The following EPM2A variants were observed in gnomAD, a reference collection of about 807,000 sequenced individuals.
EPM2A encodes the protein EPM2A glucan phosphatase, laforin.
A neutral mutation model predicts 26.5 loss-of-function variants in EPM2A; 21 were observed. That is an observed-to-expected ratio of 0.79 (90% CI 0.56 to 1.14). EPM2A has a LOEUF of 1.14. EPM2A is among the 50% of genes most tolerant of loss of function. The pLI, the probability that EPM2A is intolerant of heterozygous loss-of-function variation, is 0.00. For missense variants in EPM2A, 458 were observed against 440.8 expected (o/e 1.04, Z -0.35); for synonymous variants, 217 against 177.6 (o/e 1.22, Z -1.76).
At chr6:145,428,677 T>C (rs1038825019) in intron 4 of EPM2A, among the ~76,000 whole-genome samples, 2 of 152,228 alleles carry the variant, frequency 1.3e-5, no homozygotes, top group Non-Finnish European at 2.9e-5. Context: ...AGGAAAAGTG[T>C]TTTACTTTCT....
At chr6:145,501,913 C>A in intron 3 of EPM2A, 1 of 469,936 alleles carries the variant, frequency 2.1e-6, no homozygotes, top group Admixed American at 2.4e-5. Flanking sequence ...TCTCATTTTA[C>A]AGATGTGAAG....
chr6:145,695,759 A>T (rs1179345708), intron 1 of EPM2A, among the ~76,000 whole-genome samples: 1 of 152,084 alleles, frequency 6.6e-6, no homozygotes, highest in African/African-American at 2.4e-5. Flanking sequence ...ATATATATAC[A>T]TCTAACATAG....
chr6:145,729,437 A>T (rs1315138411), intron 1 of EPM2A, among the ~76,000 whole-genome samples: 1 of 152,246 alleles, frequency 6.6e-6, no homozygotes, highest in East Asian at 1.9e-4. Context: ...AGAGATGCCC[A>T]TGGCCTTGAA....
intron 1 of EPM2A, among the ~76,000 whole-genome samples, chr6:145,726,241 A>G (rs1348676477): frequency 6.6e-6 from 1 of 152,176 alleles, no homozygotes; most frequent in African/African-American, 2.4e-5. Context: ...AACCTGAAAT[A>G]AACTGAACAA....
At chr6:145,453,360 T>G (rs1779221100) in intron 4 of EPM2A, among the ~76,000 whole-genome samples, 1 of 152,218 alleles carries the variant, frequency 6.6e-6, no homozygotes, top group Admixed American at 6.5e-5. Context: ...ACTCAGATGA[T>G]TCCCCATTCC....
intron 2 of EPM2A, among the ~76,000 whole-genome samples, chr6:145,570,090 T>A (rs7748474): frequency 0.01 from 1,545 of 152,308 alleles, 21 homozygotes; most frequent in African/African-American, 0.035. Context: ...CTAGCTGTGC[T>A]GGCAGCTGAA....
intron 4 of EPM2A, among the ~76,000 whole-genome samples, chr6:145,460,106 G>C (rs1398877096): frequency 1.3e-5 from 2 of 152,116 alleles, no homozygotes; most frequent in Non-Finnish European, 2.9e-5. Flanking sequence ...GAAAATACTA[G>C]TTCCTCCTGC....
At chr6:145,512,537 C>A (rs1259066057) in intron 2 of EPM2A, among the ~76,000 whole-genome samples, 2 of 151,526 alleles carry the variant, frequency 1.3e-5, no homozygotes, top group East Asian at 1.9e-4. Context: ...AATGGTGAAA[C>A]CCTGTCTCTA....
At chr6:145,617,045 G>A (rs1775529290) in intron 2 of EPM2A, among the ~76,000 whole-genome samples, 1 of 152,124 alleles carries the variant, frequency 6.6e-6, no homozygotes, top group African/African-American at 2.4e-5. Context: ...GTGAGATTTG[G>A]GAGGGGTCAG....
intron 4 of EPM2A, among the ~76,000 whole-genome samples, chr6:145,423,200 A>T (rs1046692477): frequency 6.6e-6 from 1 of 152,174 alleles, no homozygotes; most frequent in African/African-American, 2.4e-5. Flanking sequence ...CAACCTTGAT[A>T]TAAACTTCCC....
intron 4 of EPM2A, among the ~76,000 whole-genome samples, chr6:145,460,584 C>G (rs928573605): frequency 6.6e-6 from 1 of 152,046 alleles, no homozygotes; most frequent in African/African-American, 2.4e-5. Context: ...CCCTTTGTTT[C>G]CTGCCCTCCC....
intron 2 of EPM2A, among the ~76,000 whole-genome samples, chr6:145,582,022 T>C (rs1781121250): frequency 6.6e-6 from 1 of 152,162 alleles, no homozygotes. Flanking sequence ...TTCCTCTATG[T>C]GTGATGTTAG....
In EPM2A at chr6:145,653,967, T is replaced by C. The variant is rs373679287; in HGVS notation, c.477-18481A>G. 6.4e-4 allele frequency among the ~76,000 whole-genome samples: 97 copies of C among 152,326 alleles called. 1 individual carries two copies. Among genetic ancestry groups the C allele is most frequent in the South Asian group, 5.2e-3 (25 of 4,826 alleles). On this transcript the variant is annotated intron_variant, in intron 2 of 3. Coordinates refer to ENST00000367519, the MANE Select transcript of EPM2A (RefSeq NM_005670.4). ...ATATTACATGCGGCCTCCTAGGTGC[T>C]CTTCTGATCTTGTCTAGATTTATTT...
intron 4 of EPM2A, among the ~76,000 whole-genome samples, chr6:145,384,341 T>C (rs1036138076): frequency 4.2e-5 from 5 of 120,356 alleles, no homozygotes; most frequent in Admixed American, 9.0e-5. Context: ...TGTTGTAAGT[T>C]GGATTTCTGG....
intron 4 of EPM2A, among the ~76,000 whole-genome samples, chr6:145,452,682 CT>C (rs1779213835): frequency 4.1e-5 from 1 of 24,348 alleles, no homozygotes; most frequent in Non-Finnish European, 1.8e-4. Flanking sequence ...GAGCAAGACT[CT>C]GTCTCAAAAA....
chr6:145,732,971 G>A (rs1295247955), intron 1 of EPM2A, among the ~76,000 whole-genome samples: 2 of 152,144 alleles, frequency 1.3e-5, no homozygotes, highest in African/African-American at 4.8e-5. Context: ...GTGAGCCCAG[G>A]CAATCTGGCT....
intron 2 of EPM2A, among the ~76,000 whole-genome samples, chr6:145,523,281 A>G (rs1454917564): frequency 3.9e-5 from 6 of 152,164 alleles, no homozygotes; most frequent in Non-Finnish European, 8.8e-5. Context: ...CTGGGATCTC[A>G]ATTACATGAA....
intron 4 of EPM2A, among the ~76,000 whole-genome samples, chr6:145,496,212 T>C (rs987155291): frequency 6.6e-6 from 1 of 152,200 alleles, no homozygotes; most frequent in Non-Finnish European, 1.5e-5. Context: ...AATCTGGCCT[T>C]TCTCTTAGTA....
chr6:145,541,972 TA>T lies in EPM2A; in HGVS notation c.341-39398del, dbSNP rs202151020. 4.4e-4 allele frequency among the ~76,000 whole-genome samples: 65 copies of T among 147,718 alleles called. 1 individual carries two copies. Among genetic ancestry groups the T allele is most frequent in the South Asian group, 1.3e-3 (6 of 4,652 alleles). ...CTTTTACATATGAGGAGATGATGCT[TA>T]AAAAAAAAAGAGGCAAGGCTTCTCA... On this transcript the variant is annotated intron_variant, in intron 2 of 3. Transcript: ENST00000450221.
Sources: gnomAD v4.1 joint callset for allele counts (sites outside exome capture counted in the v4.1 genomes callset) on GRCh38, gnomAD v4.1.1 for gene constraint, MANE v1.5 for transcripts, NCBI Gene and HGNC (gene_info 2026-07-23, HGNC 2026-07-21) for gene names.